The following DHRSX variants were observed in gnomAD, a reference collection of about 807,000 sequenced individuals.
The protein encoded by DHRSX is dehydrogenase/reductase X-linked.
DHRSX carries 31 observed loss-of-function variants against 34.0 expected under a neutral mutation model. That is an observed-to-expected ratio of 0.91 (90% CI 0.69 to 1.23). The LOEUF (loss-of-function observed/expected upper bound fraction) is 1.23. DHRSX is among the 50% of genes most tolerant of loss of function. The pLI is 0.00. For synonymous variants in DHRSX, 201 were observed against 183.8 expected (o/e 1.09, Z -0.76); for missense variants, 414 against 428.1 (o/e 0.97, Z 0.29).
At chrX:2,413,797 T>C (rs28472880) in intron 2 of DHRSX, among the ~76,000 whole-genome samples, 124,063 of 151,984 alleles carry the variant, frequency 0.82, 51,434 homozygotes, top group African/African-American at 0.95. Flanking sequence ...TCATTAGGAC[T>C]AACCAAAATA....
chrX:2,448,741 C>T (rs777183107), intron 1 of DHRSX, among the ~76,000 whole-genome samples: 113 of 152,184 alleles, frequency 7.4e-4, no homozygotes, highest in Non-Finnish European at 8.8e-4. Context: ...AAAAATGACT[C>T]GCATTTCCAG....
intron 1 of DHRSX, among the ~76,000 whole-genome samples, chrX:2,477,986 A>G (rs1253223790): frequency 3.3e-5 from 5 of 152,218 alleles, no homozygotes; most frequent in African/African-American, 2.4e-5. Context: ...CACGGATATA[A>G]AGAAACACAC....
chrX:2,484,883 C>T (rs1569505956), intron 1 of DHRSX, among the ~76,000 whole-genome samples: 2 of 146,834 alleles, frequency 1.4e-5, no homozygotes, highest in South Asian at 2.2e-4. Context: ...AGCAAATGAA[C>T]GTCACCACCG....
chrX:2,243,372 G>C (rs748147661), intron 5 of DHRSX, 142 bp from the exon 6 acceptor site: 4 of 664,540 alleles, frequency 6.0e-6, no homozygotes, highest in Non-Finnish European at 1.0e-5. Flanking sequence ...CATGCCATCT[G>C]TTGGCCAGTT....
intron 1 of DHRSX, among the ~76,000 whole-genome samples, chrX:2,432,990 G>T (rs1043215906): frequency 6.6e-6 from 1 of 151,984 alleles, no homozygotes; most frequent in Non-Finnish European, 1.5e-5. Context: ...CGGGTGTGGC[G>T]GTGCGTGCCT....
chrX:2,468,262 C>T (rs6641784), intron 1 of DHRSX, among the ~76,000 whole-genome samples: 10,686 of 152,022 alleles, frequency 0.07, 589 homozygotes, highest in South Asian at 0.24. Flanking sequence ...TTCTTGGTAG[C>T]AAGGGTGTAG....
intron 4 of DHRSX, among the ~76,000 whole-genome samples, chrX:2,286,325 C>T (rs891862681): frequency 6.0e-5 from 9 of 150,130 alleles, no homozygotes; most frequent in Non-Finnish European, 1.2e-4. Context: ...CAAACCAAGG[C>T]AAAAAATGCT....
chrX:2,440,534 CT>C (rs376847845), intron 1 of DHRSX, among the ~76,000 whole-genome samples: 48 of 141,920 alleles, frequency 3.4e-4, no homozygotes, highest in Admixed American at 4.9e-4. Flanking sequence ...TTCTTTCTTT[CT>C]TTTTTTTTTT....
intron 3 of DHRSX, among the ~76,000 whole-genome samples, chrX:2,402,411 G>C (rs962194887): frequency 1.3e-5 from 2 of 152,220 alleles, no homozygotes; most frequent in African/African-American, 4.8e-5. Context: ...TCTCAGCTGA[G>C]GAGGGAAGGG....
chrX:2,293,517 A>G (rs1602885174), intron 3 of DHRSX, among the ~76,000 whole-genome samples: 1 of 152,064 alleles, frequency 6.6e-6, no homozygotes, highest in Admixed American at 6.6e-5. Flanking sequence ...GGTGGAAGGT[A>G]TTGGGGGACA....
chrX:2,485,649 GA>G (rs2044877536), intron 1 of DHRSX, among the ~76,000 whole-genome samples: 1 of 80,538 alleles, frequency 1.2e-5, no homozygotes, highest in African/African-American at 6.3e-5. Flanking sequence ...GGGAAGGAGG[GA>G]GGGAGGGATG....
In DHRSX at chrX:2,282,663, T is replaced by TGGGAGAAAAGGA. The variant is rs1345610345; in HGVS notation, c.388+8827_388+8838dup. ...GGGAGGGAGAGAGGGAGAGAGAGAA[T>TGGGAGAAAAGGA]GGGAGAAAAGGAGAGAGAGAAGAGG... On this transcript the variant is annotated intron_variant, in intron 4 of 6. Coordinates refer to ENST00000334651, the MANE Select transcript of DHRSX (RefSeq NM_145177.3). Among the ~76,000 whole-genome samples the TGGGAGAAAAGGA allele has an allele frequency of 8.6e-3, 512 of 59,304 alleles. 7 individuals are homozygous for TGGGAGAAAAGGA. The highest frequency in any genetic ancestry group is 0.033 in the African/African-American group (482 of 14,578). The allele number at this position is 59,304 out of a possible 152,430, so 38.9% of individuals were successfully genotyped here.
intron 3 of DHRSX, among the ~76,000 whole-genome samples, chrX:2,314,483 A>AAAGAAGGG (rs2042216934): frequency 2.2e-5 from 1 of 45,982 alleles, no homozygotes; most frequent in Non-Finnish European, 4.7e-5. Flanking sequence ...GGAAGGAAGG[A>AAAGAAGGG]AGGAAGGGAG....
At chrX:2,225,062 TTCACATGCAC>T (rs1207651925) in intron 6 of DHRSX, among the ~76,000 whole-genome samples, 4 of 144,588 alleles carry the variant, frequency 2.8e-5, no homozygotes, top group Non-Finnish European at 6.0e-5. Context: ...CATTTACATA[TTCACATGCAC>T]TCACATGCTC....
At chrX:2,421,158 C>T (rs762080483) in intron 2 of DHRSX, among the ~76,000 whole-genome samples, 2 of 152,210 alleles carry the variant, frequency 1.3e-5, no homozygotes, top group African/African-American at 4.8e-5. Context: ...GCAGGCAGAT[C>T]GCTTGAACTC....
At chrX:2,416,380 C>G (rs1414566729) in intron 2 of DHRSX, among the ~76,000 whole-genome samples, 1 of 152,078 alleles carries the variant, frequency 6.6e-6, no homozygotes, top group Non-Finnish European at 1.5e-5. Flanking sequence ...GAGGACTGTA[C>G]AAGAGATTTC....
chrX:2,260,346 TCCTGGGGGCTCCAGGCATC>T (rs2041346388), intron 5 of DHRSX, among the ~76,000 whole-genome samples: 1 of 152,024 alleles, frequency 6.6e-6, no homozygotes, highest in East Asian at 1.9e-4. Flanking sequence ...CTCTCCCAGC[TCCTGGGGGCTCCAGGCATC>T]CCTGGGTGTG....
chrX:2,406,413 G>A (rs1400943710), intron 3 of DHRSX, among the ~76,000 whole-genome samples: 3 of 149,694 alleles, frequency 2.0e-5, no homozygotes, highest in African/African-American at 7.4e-5. Flanking sequence ...TTGTCAGAAG[G>A]GTGTTTTTGT....
intron 3 of DHRSX, among the ~76,000 whole-genome samples, chrX:2,369,962 G>A (rs903887227): frequency 1.1e-4 from 16 of 152,152 alleles, no homozygotes; most frequent in Non-Finnish European, 2.1e-4. Flanking sequence ...CTACTGAAAT[G>A]TGCATGACAG....
Sources: allele counts gnomAD v4.1 joint callset (sites outside exome capture counted in the v4.1 genomes callset), GRCh38; gene constraint gnomAD v4.1.1; transcripts MANE v1.5; gene names NCBI Gene and HGNC (gene_info 2026-07-23, HGNC 2026-07-21).